DPEP1: variants seen among roughly 807,000 people sequenced by gnomAD.
The protein encoded by DPEP1 is dipeptidase 1, also known as beta-lactamase.
Under a neutral mutation model 42.3 loss-of-function variants are expected in DPEP1, and 50 were observed. The ratio of observed to expected loss-of-function variants is 1.18; its 90% CI spans 0.94 to 1.50. The LOEUF is 1.50. DPEP1 is among the 40% of genes most tolerant of loss of function. The pLI, the probability that DPEP1 is intolerant of heterozygous loss-of-function variation, is 0.00. For synonymous variants in DPEP1, 297 were observed against 234.0 expected (o/e 1.27, Z -2.46); for missense variants, 663 against 553.0 (o/e 1.20, Z -1.99).
In DPEP1 at chr16:89,633,828, C is replaced by T. The variant is rs187094952; in HGVS notation, c.105-2080C>T. 2.8e-3 allele frequency among the ~76,000 whole-genome samples: 428 copies of T among 152,320 alleles called. 1 individual carries two copies. The highest frequency in any genetic ancestry group is 9.8e-3 in the African/African-American group (409 of 41,580). On this transcript the variant is annotated intron_variant, in intron 2 of 10. Coordinates refer to ENST00000690203, the MANE Select transcript of DPEP1 (RefSeq NM_001389466.1). ...TCTGGAAACTGCAAGTGGAGGGGCC[C>T]CTGTGGCCTCATCCCAGCGCACACC... is the stretch of plus-strand genomic sequence containing the variant.
chr16:89,636,965 C>G (rs1367873368), intron 6 of DPEP1, 30 bp downstream of exon 6: 3 of 1,610,544 alleles, frequency 1.9e-6, no homozygotes, highest in Non-Finnish European at 2.5e-6. Flanking sequence ...CCAGTCACCC[C>G]CGAGGAGAAG....
intron 1 of DPEP1, among the ~76,000 whole-genome samples, chr16:89,618,940 GC>G (rs1322049726): frequency 5.2e-5 from 2 of 38,376 alleles, no homozygotes; most frequent in African/African-American, 8.3e-5. Context: ...GCAGCTCCCT[GC>G]CCCCCTGCTC....
downstream of DPEP1, among the ~76,000 whole-genome samples, chr16:89,640,787 C>T (rs988157364): frequency 2.6e-5 from 4 of 152,034 alleles, no homozygotes; most frequent in Non-Finnish European, 5.9e-5. Flanking sequence ...TGTACGGAGA[C>T]GAGCGATCAT....
intron 2 of DPEP1, among the ~76,000 whole-genome samples, chr16:89,632,175 G>C (rs988412169): frequency 1.3e-5 from 2 of 152,124 alleles, no homozygotes; most frequent in African/African-American, 4.8e-5. Context: ...TCAGCCTCCT[G>C]AGTAGCTGGG....
rs2059688302 is a variant in DPEP1, at chr16:89,636,914, A to G, written c.570A>G (p.Gln190=). The G allele has an allele frequency of 6.2e-7, 1 of 1,612,366 alleles. No individual in the cohort carries two copies. Among genetic ancestry groups the G allele is most frequent in the African/African-American group, 1.3e-5 (1 of 74,936 alleles). Residue 190 remains glutamine (Q), a synonymous_variant, in exon 6 of 11, where the codon CAA becomes CAG. Transcript: ENST00000690203. ...CGGGAGACAGCGAGCCCCAGAGCCA[A>G]GGCTTGTCACCCTTTGGGCAGGTGA... is the stretch of plus-strand genomic sequence containing the variant. ...VDTGDSEPQS[Q]GLSPFGQRVV... is the part of the protein sequence containing the mutation.
In DPEP1 at chr16:89,637,978, A is replaced by T. The variant is rs747466538; in HGVS notation, c.1065+7A>T. Reference sequence around the variant, plus strand: ...CTTCGAGGCTGTGGAACAGGTGAGGATGGGGTGGCCACCTGAGTCTCCCCC... The same window carrying T: ...CTTCGAGGCTGTGGAACAGGTGAGGTTGGGGTGGCCACCTGAGTCTCCCCC... On this transcript the variant is annotated splice_region_variant and intron_variant, in intron 10 of 10. Coordinates refer to ENST00000690203, the MANE Select transcript of DPEP1 (RefSeq NM_001389466.1). 8.7e-6 allele frequency: 14 copies of T among 1,607,642 alleles called. No individual in the cohort carries two copies. Among genetic ancestry groups the T allele is most frequent in the Non-Finnish European group, 1.2e-5 (14 of 1,177,786 alleles).
chr16:89,638,632 C>T (rs574611884), downstream of DPEP1, among the ~76,000 whole-genome samples: 2 of 151,330 alleles, frequency 1.3e-5, no homozygotes, highest in South Asian at 2.1e-4. Context: ...CAGTAGTCAC[C>T]TCCAGCCATG....
chr16:89,636,996 C>A, intron 6 of DPEP1, 61 bp downstream of exon 6: 1 of 1,596,712 alleles, frequency 6.3e-7, no homozygotes, highest in South Asian at 1.1e-5. Context: ...TGGAGGGTGA[C>A]CAGAACAATG....
rs1267257006 is a variant in DPEP1 at position 89,636,871 on chromosome 16, A to G, written c.527A>G (p.Asp176Gly). 2 of 1,612,562 alleles carry G rather than the reference A, an allele frequency of 1.2e-6. No homozygotes were observed. Among genetic ancestry groups the G allele is most frequent in the Non-Finnish European group, 1.7e-6 (2 of 1,179,916 alleles). Residue 176 changes from aspartate to glycine, a missense_variant, in exon 6 of 11, where the codon GAC (aspartate) becomes GGC (glycine). Transcript: ENST00000690203. ...CCTGCCTTTTGCTTCTCCAGGGCTG[A>G]CAACTGGCTGGTGGACACGGGAGAC... ...LTHSCNTPWA[D>G]NWLVDTGDSE...
At chr16:89,639,695 C>T (rs2059729899), downstream of DPEP1, among the ~76,000 whole-genome samples, 1 of 151,796 alleles carries the variant, frequency 6.6e-6, no homozygotes, top group Admixed American at 6.6e-5. Flanking sequence ...CTTCATCCAG[C>T]ATTTTTTTGA....
In DPEP1 at chr16:89,637,928, C is replaced by T. The variant is rs2059705893; in HGVS notation, c.1022C>T (p.Ala341Val). 3 of 1,611,038 alleles carry T rather than the reference C, an allele frequency of 1.9e-6. No homozygotes were observed. Among genetic ancestry groups the T allele is most frequent in the Non-Finnish European group, 8.5e-7 (1 of 1,179,182 alleles). ...TGGACGGAGGCGGAGGTCAAGGGCG[C>T]ACTGGCTGACAACCTGCTGAGGGTC... ...RNWTEAEVKG[A>V]LADNLLRVFE... The change falls in exon 10 of 11, where the codon GCA becomes GTA. Residue 341 changes from alanine (A) to valine (V), a missense_variant. Ala to Val is a moderately conservative substitution (Grantham distance 64, BLOSUM62 0). Transcript: ENST00000690203.
rs976926264 is a variant in DPEP1 at position 89,636,639 on chromosome 16, G to A, written c.477G>A (p.Leu159=). 5 of 1,612,570 alleles carry A rather than the reference G, an allele frequency of 3.1e-6. No homozygotes were observed. Among genetic ancestry groups the A allele is most frequent in the African/African-American group, 1.3e-5 (1 of 75,052 alleles). ...SLGVLRALYQ[L]GMRYLTLTHS... ...GCGTCCTGCGGGCACTCTATCAGCT[G>A]GGCATGCGGTACCTGACCCTCACCC... Residue 159 remains leucine, a synonymous_variant, in exon 5 of 11, where the codon CTG becomes CTA. Coordinates refer to ENST00000690203, the MANE Select transcript of DPEP1 (RefSeq NM_001389466.1).
rs2059687454 is a variant in DPEP1 at position 89,636,859 on chromosome 16, T to C, written c.522-7T>C. 6.2e-7 allele frequency: 1 copy of C among 1,612,322 alleles called. No homozygotes were observed. Among genetic ancestry groups the C allele is most frequent in the Non-Finnish European group, 8.5e-7 (1 of 1,179,838 alleles). On this transcript the variant is annotated splice_region_variant and splice_polypyrimidine_tract_variant and intron_variant, in intron 5 of 10. Coordinates refer to ENST00000690203, the MANE Select transcript of DPEP1 (RefSeq NM_001389466.1). ...ACCTCTTGGGCACCTGCCTTTTGCT[T>C]CTCCAGGGCTGACAACTGGCTGGTG...
At position 89,620,108 on chromosome 16, in the gene DPEP1, C is replaced by T. The variant is rs530463360; in HGVS notation, c.-107+6389C>T. ...CCACACGCAGACCCTCCTTGGATTT[C>T]GAAAGCCCGTGTGGCTTTGCCAGAG... On this transcript the variant is annotated intron_variant, in intron 1 of 10. Coordinates refer to ENST00000690203, the MANE Select transcript of DPEP1 (RefSeq NM_001389466.1). 6.6e-5 allele frequency among the ~76,000 whole-genome samples: 10 copies of T among 151,802 alleles called. No individual in the cohort carries two copies. In the East Asian group the frequency reaches 1.4e-3, roughly 21 times the overall value.
At chr16:89,638,700 ACACACACACCGCACCCCTG>A (rs1567995185), downstream of DPEP1, among the ~76,000 whole-genome samples, 7 of 127,286 alleles carry the variant, frequency 5.5e-5, no homozygotes, top group Non-Finnish European at 1.2e-4. Flanking sequence ...CTGCACACAC[ACACACACACCGCACCCCTG>A]CACACACACA....
At chr16:89,633,287 C>G (rs1597764935) in intron 2 of DPEP1, among the ~76,000 whole-genome samples, 1 of 152,370 alleles carries the variant, frequency 6.6e-6, no homozygotes, top group Admixed American at 6.5e-5. Flanking sequence ...TGTGGACTCG[C>G]TGTGGCCAGG....
chr16:89,626,987 T>C lies in DPEP1; in HGVS notation c.-106-3318T>C, dbSNP rs1348816325. Among the ~76,000 whole-genome samples, 10 of 148,406 alleles carry C rather than the reference T, an allele frequency of 6.7e-5. No individual in the cohort carries two copies. In the East Asian group the frequency reaches 8.1e-4, roughly 12 times the overall value. On this transcript the variant is annotated intron_variant, in intron 1 of 10. Coordinates refer to ENST00000690203, the MANE Select transcript of DPEP1 (RefSeq NM_001389466.1). ...AAAATTAGTCAGACGTGGGGCCAGG[T>C]ATGGTGGCTCACACCTGTAATCCCA...
At chr16:89,613,953 GAGGCA>G (rs2059355821) in intron 1 of DPEP1, among the ~76,000 whole-genome samples, 1 of 47,928 alleles carries the variant, frequency 2.1e-5, no homozygotes, top group African/African-American at 6.7e-5. Flanking sequence ...GGCAGGGGAC[GAGGCA>G]GCTTCCTGGG....
chr16:89,627,132 G>A (rs566358548), intron 1 of DPEP1, among the ~76,000 whole-genome samples: 2 of 152,094 alleles, frequency 1.3e-5, no homozygotes, highest in East Asian at 3.9e-4. Context: ...AATTAGCCGG[G>A]CGTGGTGGCG....
Sources: allele counts gnomAD v4.1 joint callset (sites outside exome capture counted in the v4.1 genomes callset), GRCh38; gene constraint gnomAD v4.1.1; transcripts MANE v1.5; gene names NCBI Gene and HGNC (gene_info 2026-07-23, HGNC 2026-07-21).